Variants in SGPP2 observed in about 807,000 individuals in gnomAD.
SGPP2 encodes sphingosine 1-phosphate phosphohydrolase 2.
SGPP2 carries 30 observed loss-of-function variants against 33.9 expected under a neutral mutation model. The ratio of observed to expected loss-of-function variants is 0.89; its 90% CI spans 0.66 to 1.20. The LOEUF (loss-of-function observed/expected upper bound fraction) is 1.20, where lower values mean the gene tolerates loss of function less well. Among genes scored for constraint, SGPP2 ranks in the 50% most tolerant of loss-of-function variants. SGPP2 has a pLI of 0.00. For missense variants in SGPP2, 458 were observed against 532.1 expected (o/e 0.86, Z 1.37); for synonymous variants, 233 against 225.0 (o/e 1.04, Z -0.32).
Position 222,560,357 on chromosome 2 carries a change from C to T in SGPP2, c.*1459C>T, listed in dbSNP as rs1263619524. The stretch of plus-strand genomic sequence containing the variant: ...TAGAATCAGGCGCCCTTTTTGTCTT[C>T]CCACCTCTTATCTCTTGGCAATTTT... On this transcript the variant is annotated 3_prime_UTR_variant, in exon 5 of 5. Coordinates refer to ENST00000321276, the MANE Select transcript of SGPP2 (RefSeq NM_152386.4). 6.6e-6 allele frequency: 1 copy of T among 152,166 alleles called. No individual in the cohort carries two copies. Among genetic ancestry groups the T allele is most frequent in the Non-Finnish European group, 1.5e-5 (1 of 68,014 alleles). 9.4% of individuals were successfully genotyped at this position (152,166 alleles called of 1,614,324 possible).
Position 222,561,614 on chromosome 2 carries a change from C to G in SGPP2, c.*2716C>G, listed in dbSNP as rs2106163604. Among the ~76,000 whole-genome samples the G allele has an allele frequency of 6.6e-6, 1 of 151,542 alleles. No individual in the cohort carries two copies. The highest frequency in any genetic ancestry group is 2.1e-4 in the South Asian group (1 of 4,798). On this transcript the variant is annotated 3_prime_UTR_variant, in exon 5 of 5. Coordinates refer to ENST00000321276, the MANE Select transcript of SGPP2 (RefSeq NM_152386.4). ...TCCCAACAATAGGAAGGCCGATCAGCTATATTGATATATTTAAGGCTGTAC... is the reference window on the plus strand; with the variant it reads ...TCCCAACAATAGGAAGGCCGATCAGGTATATTGATATATTTAAGGCTGTAC...
At chr2:222,451,967 A>G (rs1177630713) in intron 1 of SGPP2, among the ~76,000 whole-genome samples, 3 of 152,218 alleles carry the variant, frequency 2.0e-5, no homozygotes, top group Admixed American at 2.0e-4. Flanking sequence ...TCTGTAAAGT[A>G]AGTACAGTTG....
intron 1 of SGPP2, among the ~76,000 whole-genome samples, chr2:222,449,097 T>A (rs1697440421): frequency 6.6e-6 from 1 of 152,216 alleles, no homozygotes; most frequent in African/African-American, 2.4e-5. Flanking sequence ...TCCGAAAACA[T>A]GTTCTTGTTT....
At chr2:222,544,097 T>G (rs1689136722) in intron 4 of SGPP2, among the ~76,000 whole-genome samples, 1 of 152,200 alleles carries the variant, frequency 6.6e-6, no homozygotes, top group South Asian at 2.1e-4. Context: ...GCTTTACATA[T>G]ATTAACTACC....
chr2:222,440,803 C>T (rs527749517), intron 1 of SGPP2, among the ~76,000 whole-genome samples: 44 of 152,106 alleles, frequency 2.9e-4, no homozygotes, highest in African/African-American at 1.0e-3. Flanking sequence ...CATTAATCCC[C>T]GTCTTCACCC....
At chr2:222,496,263 G>C (rs1342438634) in intron 2 of SGPP2, among the ~76,000 whole-genome samples, 4 of 152,236 alleles carry the variant, frequency 2.6e-5, no homozygotes, top group African/African-American at 9.6e-5. Flanking sequence ...TCCCGTCCAT[G>C]AGGTCTTCAC....
At chr2:222,429,857 G>A (rs537329713) in intron 1 of SGPP2, among the ~76,000 whole-genome samples, 5 of 152,280 alleles carry the variant, frequency 3.3e-5, no homozygotes, top group South Asian at 2.1e-4. Context: ...AAACCACTAC[G>A]AGGGCAGGTT....
chr2:222,507,308 G>A (rs1217892260), intron 2 of SGPP2, among the ~76,000 whole-genome samples: 4 of 152,040 alleles, frequency 2.6e-5, no homozygotes, highest in African/African-American at 7.2e-5. Context: ...GTAATCAATC[G>A]GTCAAAACTG....
chr2:222,507,774 C>T (rs1698467380), intron 2 of SGPP2, among the ~76,000 whole-genome samples: 1 of 152,152 alleles, frequency 6.6e-6, no homozygotes, highest in African/African-American at 2.4e-5. Flanking sequence ...TATGTAAATA[C>T]CTTTTCAAAA....
At chr2:222,557,311 A>C (rs1237891397) in intron 4 of SGPP2, among the ~76,000 whole-genome samples, 1 of 152,228 alleles carries the variant, frequency 6.6e-6, no homozygotes, top group Non-Finnish European at 1.5e-5. Flanking sequence ...GTAGGCACTC[A>C]TACTTGACCA....
intron 2 of SGPP2, among the ~76,000 whole-genome samples, chr2:222,515,100 C>G (rs566250455): frequency 3.3e-5 from 5 of 151,804 alleles, no homozygotes; most frequent in Non-Finnish European, 7.4e-5. Flanking sequence ...CATCTGTTAC[C>G]TGGATTTTGC....
chr2:222,503,288 A>G (rs75943197), intron 2 of SGPP2, among the ~76,000 whole-genome samples: 2 of 152,258 alleles, frequency 1.3e-5, no homozygotes, highest in Non-Finnish European at 2.9e-5. Flanking sequence ...ATATGTTAAA[A>G]TGACGATGAA....
intron 2 of SGPP2, among the ~76,000 whole-genome samples, chr2:222,505,310 T>C (rs1698429002): frequency 6.6e-6 from 1 of 152,172 alleles, no homozygotes; most frequent in Non-Finnish European, 1.5e-5. Context: ...AAAGAACAAC[T>C]ATGATTCCCA....
chr2:222,452,651 G>A (rs1259557988), intron 1 of SGPP2: 2 of 1,379,208 alleles, frequency 1.5e-6, no homozygotes, highest in African/African-American at 1.4e-5. Context: ...TGTTCCAGGA[G>A]TAGTTGCTCC....
intron 2 of SGPP2, among the ~76,000 whole-genome samples, chr2:222,492,814 C>G (rs1455308389): frequency 1.3e-5 from 2 of 152,182 alleles, no homozygotes; most frequent in African/African-American, 4.8e-5. Context: ...TAATCTCTCT[C>G]ATGTTCAAAG....
intron 1 of SGPP2, among the ~76,000 whole-genome samples, chr2:222,426,197 G>A (rs1269985625): frequency 9.0e-6 from 1 of 110,542 alleles, no homozygotes; most frequent in Non-Finnish European, 1.7e-5. Flanking sequence ...GCGACTGAGC[G>A]AGACTCCGTC....
At position 222,560,466 on chromosome 2, in the gene SGPP2, T is replaced by A. The variant is rs1689516899; in HGVS notation, c.*1568T>A. The A allele has an allele frequency of 6.6e-6, 1 of 152,184 alleles. No individual in the cohort carries two copies. Among genetic ancestry groups the A allele is most frequent in the Non-Finnish European group, 1.5e-5 (1 of 68,034 alleles). 9.4% of individuals were successfully genotyped at this position (152,184 alleles called of 1,614,324 possible). A position where few individuals can be genotyped will look rare whatever the true frequency, so the allele number is the denominator to read the frequency against. ...ACAAAACCCATTAAGCCTACTAGGG[T>A]GAGTCCTCTTAACATGGGAAGGCGA... On this transcript the variant is annotated 3_prime_UTR_variant, in exon 5 of 5. Transcript: ENST00000321276.
chr2:222,443,080 A>G (rs1342758177), intron 1 of SGPP2, among the ~76,000 whole-genome samples: 1 of 152,198 alleles, frequency 6.6e-6, no homozygotes, highest in Non-Finnish European at 1.5e-5. Context: ...CCTCTAAAAA[A>G]CTGTGACAAT....
intron 2 of SGPP2, among the ~76,000 whole-genome samples, chr2:222,518,045 T>C (rs1013541509): frequency 6.6e-6 from 1 of 152,244 alleles, no homozygotes; most frequent in African/African-American, 2.4e-5. Flanking sequence ...AATACAAGGC[T>C]TGGCTCATCA....
Sources: gnomAD v4.1 joint callset for allele counts (sites outside exome capture counted in the v4.1 genomes callset) on GRCh38, gnomAD v4.1.1 for gene constraint, MANE v1.5 for transcripts, NCBI Gene and HGNC (gene_info 2026-07-23, HGNC 2026-07-21) for gene names.